HEPHL1: variants seen among roughly 807,000 people sequenced by gnomAD.
HEPHL1 encodes ferroxidase HEPHL1.
HEPHL1 carries 123 observed loss-of-function variants against 122.0 expected under a neutral mutation model. The ratio of observed to expected loss-of-function variants is 1.01; its 90% CI spans 0.87 to 1.17. The LOEUF (loss-of-function observed/expected upper bound fraction) is 1.17. Ranked by LOEUF, HEPHL1 falls within the 50% of genes most tolerant of loss-of-function variation. The pLI is 0.00. For missense variants in HEPHL1, 1,452 were observed against 1,430.5 expected (o/e 1.01, Z -0.24); for synonymous variants, 527 against 508.9 (o/e 1.04, Z -0.48).
chr11:94,077,395 T>C (rs1272821269), intron 9 of HEPHL1, among the ~76,000 whole-genome samples: 1 of 152,178 alleles, frequency 6.6e-6, no homozygotes, highest in Non-Finnish European at 1.5e-5. Flanking sequence ...TATTTTTAAT[T>C]TTTGTGGGTA....
In HEPHL1 at chr11:94,064,322, G is replaced by T. The variant is rs542160860; in HGVS notation, c.629-9G>T. ...TCTTTCTCTCTACTCTTTTGAATGT[G>T]CCTGACAGGTATCCTGAATAGATAT... On this transcript the variant is annotated splice_polypyrimidine_tract_variant and intron_variant, in intron 3 of 19. Coordinates refer to ENST00000315765, the MANE Select transcript of HEPHL1 (RefSeq NM_001098672.2). 4 of 1,602,306 alleles carry T rather than the reference G, an allele frequency of 2.5e-6. No individual in the cohort carries two copies. The highest frequency in any genetic ancestry group is 3.4e-6 in the Non-Finnish European group (4 of 1,171,620).
Position 94,113,774 on chromosome 11 carries a change from CTTAAAA to C in HEPHL1, c.*1884_*1889del, listed in dbSNP as rs925366538. On this transcript the variant is annotated 3_prime_UTR_variant, in exon 20 of 20. Transcript: ENST00000315765. The stretch of plus-strand genomic sequence containing the variant: ...GTGGCTATTTGCATGGTTATTTTCA[CTTAAAA>C]TTATCTATCACTGAACTAGGGGAGG... 6.6e-5 allele frequency: 10 copies of C among 152,150 alleles called. No homozygotes were observed. The East Asian group carries it at 1.9e-3, about 29-fold the overall frequency. 9.4% of individuals were successfully genotyped at this position (152,150 alleles called of 1,614,324 possible). A position where few individuals can be genotyped will look rare whatever the true frequency, so the allele number is the denominator to read the frequency against.
chr11:94,052,309 A>T (rs147913165), intron 2 of HEPHL1, among the ~76,000 whole-genome samples: 3 of 152,100 alleles, frequency 2.0e-5, no homozygotes, highest in Admixed American at 6.5e-5. Flanking sequence ...AGTGTTTTAT[A>T]GTTTTCATTA....
intron 13 of HEPHL1, among the ~76,000 whole-genome samples, chr11:94,098,679 T>G (rs1430256284): frequency 6.6e-6 from 1 of 152,258 alleles, no homozygotes; most frequent in Non-Finnish European, 1.5e-5. Flanking sequence ...TCTTTTCACA[T>G]AGTCCTATAT....
intron 1 of HEPHL1, among the ~76,000 whole-genome samples, chr11:94,037,060 G>C (rs1041077664): frequency 1.3e-5 from 2 of 152,214 alleles, no homozygotes; most frequent in African/African-American, 4.8e-5. Context: ...CACCTGGGAA[G>C]CGCAAGGGGT....
chr11:94,023,974 G>C (rs1945603468), intron 1 of HEPHL1, among the ~76,000 whole-genome samples: 1 of 152,188 alleles, frequency 6.6e-6, no homozygotes, highest in African/African-American at 2.4e-5. Flanking sequence ...ATGTGAAGAT[G>C]CTGTGACTGG....
At chr11:94,046,720 AG>A (rs1945843045) in intron 2 of HEPHL1, among the ~76,000 whole-genome samples, 1 of 151,810 alleles carries the variant, frequency 6.6e-6, no homozygotes, top group East Asian at 1.9e-4. Context: ...TCATTAGGGC[AG>A]TTTCTGGATT....
At chr11:94,104,787 T>G in intron 16 of HEPHL1, 37 bp downstream of exon 16, 2 of 1,475,056 alleles carry the variant, frequency 1.4e-6, no homozygotes, top group Non-Finnish European at 1.9e-6. Flanking sequence ...TATGTTGAGA[T>G]AAGCTCATAG....
intron 1 of HEPHL1, among the ~76,000 whole-genome samples, chr11:94,035,831 G>A (rs1196848209): frequency 6.6e-6 from 1 of 152,290 alleles, no homozygotes; most frequent in African/African-American, 2.4e-5. Flanking sequence ...CCGCCTCCTG[G>A]GTTCACGCCA....
At chr11:94,048,670 A>C (rs1945861669) in intron 2 of HEPHL1, among the ~76,000 whole-genome samples, 1 of 152,104 alleles carries the variant, frequency 6.6e-6, no homozygotes, top group Admixed American at 6.5e-5. Flanking sequence ...CCTGTGGACA[A>C]AATTTTGAAC....
chr11:94,068,717 G>A (rs1300987009), intron 5 of HEPHL1, among the ~76,000 whole-genome samples: 3 of 152,174 alleles, frequency 2.0e-5, no homozygotes, highest in South Asian at 4.1e-4. Flanking sequence ...CTTGATGGAG[G>A]AATTCTGACC....
At chr11:94,052,972 AAT>A (rs1945903897) in intron 2 of HEPHL1, among the ~76,000 whole-genome samples, 1 of 152,058 alleles carries the variant, frequency 6.6e-6, no homozygotes, top group Non-Finnish European at 1.5e-5. Flanking sequence ...TTGTCAAGGT[AAT>A]ACTTGCCTCA....
At chr11:94,037,149 C>T (rs534909049) in intron 1 of HEPHL1, among the ~76,000 whole-genome samples, 1,766 of 152,214 alleles carry the variant, frequency 0.012, 32 homozygotes, top group African/African-American at 0.041. Context: ...CCGAATATTG[C>T]GCTTTTCAGA....
chr11:94,035,630 G>A (rs1029347584), intron 1 of HEPHL1, among the ~76,000 whole-genome samples: 4 of 152,208 alleles, frequency 2.6e-5, no homozygotes, highest in African/African-American at 9.6e-5. Context: ...TCCTGGGAGA[G>A]TTCTTAAAGG....
chr11:94,054,860 A>G (rs568898758), intron 2 of HEPHL1, among the ~76,000 whole-genome samples: 21 of 152,338 alleles, frequency 1.4e-4, no homozygotes, highest in Middle Eastern at 3.4e-3. Flanking sequence ...AAAGAGCTTC[A>G]TTTGATAATT....
At chr11:94,074,943 A>T (rs954534739) in intron 8 of HEPHL1, among the ~76,000 whole-genome samples, 1 of 152,220 alleles carries the variant, frequency 6.6e-6, no homozygotes, top group African/African-American at 2.4e-5. Context: ...CATTTGAGCA[A>T]GAAATTGTAT....
intron 1 of HEPHL1, among the ~76,000 whole-genome samples, chr11:94,039,576 G>A (rs1397801683): frequency 6.6e-6 from 1 of 151,476 alleles, no homozygotes; most frequent in South Asian, 2.1e-4. Flanking sequence ...CTCACTCAAA[G>A]CCGCTCAACT....
chr11:94,031,114 T>A (rs1345156504), intron 1 of HEPHL1, among the ~76,000 whole-genome samples: 1 of 152,164 alleles, frequency 6.6e-6, no homozygotes, highest in Non-Finnish European at 1.5e-5. Context: ...TCTTCTTTTT[T>A]TTTCAATAAA....
chr11:94,107,348 A>C (rs1288128146), intron 17 of HEPHL1, among the ~76,000 whole-genome samples: 1 of 152,178 alleles, frequency 6.6e-6, no homozygotes, highest in Non-Finnish European at 1.5e-5. Flanking sequence ...TTTAAAAATT[A>C]TATTAAAAAT....
Sources: gnomAD v4.1 joint callset for allele counts (sites outside exome capture counted in the v4.1 genomes callset) on GRCh38, gnomAD v4.1.1 for gene constraint, MANE v1.5 for transcripts, NCBI Gene and HGNC (gene_info 2026-07-23, HGNC 2026-07-21) for gene names.